The following MYO1C variants were observed in gnomAD, a reference collection of about 807,000 sequenced individuals.
MYO1C encodes the protein myosin IC, also known as unconventional myosin-Ic.
In MYO1C, 104 loss-of-function variants were observed where a neutral mutation model predicts 150.8. The ratio of observed to expected loss-of-function variants is 0.69; its 90% CI spans 0.59 to 0.81. The LOEUF (loss-of-function observed/expected upper bound fraction) is 0.81. Among genes scored for constraint, MYO1C ranks in the 30% least tolerant of loss-of-function variants. The pLI is 0.00. For missense variants in MYO1C, 1,504 were observed against 1,435.0 expected, an observed-to-expected ratio of 1.05 and a Z score of -0.78; for synonymous variants, 663 against 579.9, an observed-to-expected ratio of 1.14 and a Z score of -2.06.
In MYO1C at chr17:1,492,570, C is replaced by G; in HGVS notation, c.-83G>C. On this transcript the variant is annotated 5_prime_UTR_variant, in exon 1 of 32. Transcript: ENST00000648651. ...GCCCACTGGCGGGCTCCGACCACTC[C>G]GGGACCAGGAACCTACGGTCTAACG... is the stretch of plus-strand genomic sequence containing the variant. The G allele has an allele frequency of 7.5e-7, 1 of 1,330,340 alleles. No individual in the cohort carries two copies. The highest frequency in any genetic ancestry group is 1.3e-5 in the South Asian group (1 of 79,772). The allele number at this position is 1,330,340 out of a possible 1,614,324, so 82.4% of individuals were successfully genotyped here.
Position 1,492,493 on chromosome 17 carries a change from C to A in MYO1C, c.-6G>T. 1 of 1,597,638 alleles carries A rather than the reference C, an allele frequency of 6.3e-7. No homozygotes were observed. Among genetic ancestry groups the A allele is most frequent in the Non-Finnish European group, 8.5e-7 (1 of 1,172,484 alleles). ...AGCTCCACTTGCAGCGCCATTCCGC[C>A]CTGCGGAGAGCCAGCGGCCTGGGCA... On this transcript the variant is annotated 5_prime_UTR_variant, in exon 1 of 32. Coordinates refer to ENST00000648651, the MANE Select transcript of MYO1C (RefSeq NM_001080779.2).
chr17:1,468,101 T>A lies in MYO1C; in HGVS notation c.2783A>T (p.Tyr928Phe). 1 of 1,613,534 alleles carries A rather than the reference T, an allele frequency of 6.2e-7. No homozygotes were observed. The highest frequency in any genetic ancestry group is 8.5e-7 in the Non-Finnish European group (1 of 1,179,984). ...PIQYAVPVVK[Y>F]DRKGYKPRSR... ...GCGAGGCTTGTAGCCCTTGCGGTCGTATTTCACAACAGGCACCGCATACTG... is the reference window on the plus strand; with the variant it reads ...GCGAGGCTTGTAGCCCTTGCGGTCGAATTTCACAACAGGCACCGCATACTG... Residue 928 changes from tyrosine to phenylalanine, a missense_variant, in exon 28 of 32, where the codon TAC (tyrosine) becomes TTC (phenylalanine). Transcript: ENST00000648651.
chr17:1,472,375 G>C, intron 17 of MYO1C, 147 bp from the exon 18 acceptor site: 1 of 693,830 alleles, frequency 1.4e-6, no homozygotes, highest in Middle Eastern at 4.0e-4. Context: ...CAGCTTCCTC[G>C]CAGCAGAGGA....
Position 1,481,261 on chromosome 17 carries a change from G to A in MYO1C, c.628-376C>T, listed in dbSNP as rs538063067. On this transcript the variant is annotated intron_variant, in intron 5 of 31. Coordinates refer to ENST00000648651, the MANE Select transcript of MYO1C (RefSeq NM_001080779.2). ...AGCCAAGGACTTGGCAGTCCTCCTG[G>A]AAGCCTGTGTTTCTCCAAACCCTAC... The A allele has an allele frequency of 5.3e-5, 15 of 282,754 alleles. 1 individual carries two copies. The South Asian group carries it at 6.0e-4, about 11-fold the overall frequency. The allele number at this position is 282,754 out of a possible 1,614,324, so 17.5% of individuals were successfully genotyped here. A position where few individuals can be genotyped will look rare whatever the true frequency, so the allele number is the denominator to read the frequency against.
chr17:1,475,146 C>G, intron 14 of MYO1C, 114 bp from the exon 15 acceptor site: 1 of 998,184 alleles, frequency 1.0e-6, no homozygotes, highest in South Asian at 1.4e-5. Context: ...CCAGGCCGGG[C>G]ACAGTGGCTC....
At chr17:1,480,231 G>A (rs2074490335) in intron 7 of MYO1C, among the ~76,000 whole-genome samples, 1 of 150,902 alleles carries the variant, frequency 6.6e-6, no homozygotes, top group Non-Finnish European at 1.5e-5. Context: ...CGGATCACCT[G>A]AGGTCGGGAG....
At chr17:1,480,254 C>G (rs1274011526) in intron 7 of MYO1C, among the ~76,000 whole-genome samples, 1 of 151,174 alleles carries the variant, frequency 6.6e-6, no homozygotes, top group Non-Finnish European at 1.5e-5. Flanking sequence ...CGAGACCAGG[C>G]TGGCCAACAT....
chr17:1,485,006 G>A (rs766120234), intron 1 of MYO1C: 21 of 852,552 alleles, frequency 2.5e-5, no homozygotes, highest in African/African-American at 1.9e-4. Context: ...ACTCCAGAAC[G>A]CGGGGGAGGC....
At position 1,470,497 on chromosome 17, in the gene MYO1C, C is replaced by A. The variant is rs1306647326; in HGVS notation, c.2304G>T (p.Trp768Cys). The change falls in exon 23 of 32, where the codon TGG becomes TGT. Residue 768 changes from tryptophan to cysteine, a missense_variant. Trp to Cys is a radical substitution (Grantham distance 215). Coordinates refer to ENST00000648651, the MANE Select transcript of MYO1C (RefSeq NM_001080779.2). ...CCTTCCTCCGGCCCAGTGTTCCACG[C>A]CACCACGACTGGATGCAGATGGCTG... Reference protein sequence around the residue: ...KRSAICIQSWWRGTLGRRKAA... With the variant: ...KRSAICIQSWCRGTLGRRKAA... 1.3e-6 allele frequency: 2 copies of A among 1,551,770 alleles called. No individual in the cohort carries two copies. Among genetic ancestry groups the A allele is most frequent in the Non-Finnish European group, 1.7e-6 (2 of 1,147,490 alleles).
At chr17:1,473,278 C>T in intron 17 of MYO1C, among the ~76,000 whole-genome samples, 1 of 151,850 alleles carries the variant, frequency 6.6e-6, no homozygotes, top group East Asian at 1.9e-4. Flanking sequence ...AGGAGAAAGC[C>T]TGGAGGGGCA....
At chr17:1,473,154 C>G (rs1050013043) in intron 17 of MYO1C, among the ~76,000 whole-genome samples, 6 of 152,178 alleles carry the variant, frequency 3.9e-5, no homozygotes, top group African/African-American at 1.4e-4. Flanking sequence ...GAGCCGAGAT[C>G]GCGCCACTGC....
In MYO1C at chr17:1,467,305, G is replaced by A; in HGVS notation, c.3102C>T (p.Thr1034=). 6.2e-7 allele frequency: 1 copy of A among 1,613,626 alleles called. No homozygotes were observed. The highest frequency in any genetic ancestry group is 8.5e-7 in the Non-Finnish European group (1 of 1,179,886). ...TFAGGPGRDG[T]IDFTPGSELL... is the part of the protein sequence containing the mutation. Reference sequence around the variant, plus strand: ...GCTCCGAGCCGGGTGTGAAGTCAATGGTGCCATCCCTGCCGGGGCCCCCTG... The same window carrying A: ...GCTCCGAGCCGGGTGTGAAGTCAATAGTGCCATCCCTGCCGGGGCCCCCTG... The change falls in exon 31 of 32, where the codon ACC becomes ACT. Residue 1034 remains threonine, a synonymous_variant. Transcript: ENST00000648651.
chr17:1,474,774 T>C, intron 16 of MYO1C, 38 bp downstream of exon 16: 11 of 1,597,382 alleles, frequency 6.9e-6, no homozygotes, highest in Non-Finnish European at 9.4e-6. Flanking sequence ...CTGTGGGCTA[T>C]CCCCACCCCC....
intron 21 of MYO1C, 156 bp from the exon 22 acceptor site, chr17:1,470,845 C>A: frequency 1.0e-6 from 1 of 969,536 alleles, no homozygotes; most frequent in Non-Finnish European, 1.6e-6. Context: ...TGGGGACTGC[C>A]CGGAAAAGGG....
chr17:1,486,463 A>C (rs1598348780), intron 1 of MYO1C, among the ~76,000 whole-genome samples: 1 of 145,422 alleles, frequency 6.9e-6, no homozygotes, highest in Non-Finnish European at 1.5e-5. Context: ...GCCTCTCCCC[A>C]CCCGGGACAC....
chr17:1,470,234 G>A lies in MYO1C; in HGVS notation c.2467C>T (p.Gln823Ter). The A allele has an allele frequency of 6.2e-7, 1 of 1,610,576 alleles. No individual in the cohort carries two copies. Among genetic ancestry groups the A allele is most frequent in the Non-Finnish European group, 8.5e-7 (1 of 1,179,006 alleles). ...GTGTCCAGGACATTCTGGGGCAGCT[G>A]CCGCCTCAGGTTTAGCAAAAAAGAG... ...RTSFLLNLRR[Q>*]LPQNVLDTSW... is the part of the protein sequence containing the mutation. The change falls in exon 24 of 32, where the codon CAG (glutamine) becomes TAG (stop). Residue 823 changes from glutamine to a stop codon, truncating the protein, a stop_gained. Transcript: ENST00000648651. LOFTEE classifies it high-confidence loss of function.
chr17:1,485,413 C>A (rs1007988016), intron 1 of MYO1C: 1 of 966,812 alleles, frequency 1.0e-6, no homozygotes, highest in Non-Finnish European at 1.3e-6. Context: ...CAATCCCGCG[C>A]CGAAGCGGCT....
chr17:1,490,358 C>T (rs1348604371), intron 1 of MYO1C, among the ~76,000 whole-genome samples: 29 of 150,914 alleles, frequency 1.9e-4, no homozygotes, highest in Admixed American at 1.4e-3. Context: ...ATTAGCTGGG[C>T]GCGGTGGCAC....
chr17:1,466,416 C>T (rs1358245613), intron 31 of MYO1C, among the ~76,000 whole-genome samples: 2 of 152,060 alleles, frequency 1.3e-5, no homozygotes, highest in Admixed American at 6.6e-5. Context: ...CCGCAACCTC[C>T]ACCTCCCGGG....
Sources: gnomAD v4.1 joint callset for allele counts (sites outside exome capture counted in the v4.1 genomes callset) on GRCh38, gnomAD v4.1.1 for gene constraint, MANE v1.5 for transcripts, NCBI Gene and HGNC (gene_info 2026-07-23, HGNC 2026-07-21) for gene names.